The following VPS13B variants were observed in gnomAD, a reference collection of about 807,000 sequenced individuals.
VPS13B encodes the protein vacuolar protein sorting 13 homolog B.
Under a neutral mutation model 426.4 loss-of-function variants are expected in VPS13B, and 285 were observed. The ratio of observed to expected loss-of-function variants is 0.67; its 90% confidence interval spans 0.61 to 0.74. The LOEUF (loss-of-function observed/expected upper bound fraction) is 0.74. VPS13B is among the 30% of genes least tolerant of loss of function. The pLI is 0.00. For synonymous variants in VPS13B, 1,676 were observed against 1,676.4 expected (o/e 1.00, Z 0.01); for missense variants, 4,537 against 4,782.6 (o/e 0.95, Z 1.51).
chr8:99,389,155 A>G (rs982749859), intron 20 of VPS13B, among the ~76,000 whole-genome samples: 1 of 149,796 alleles, frequency 6.7e-6, no homozygotes, highest in African/African-American at 2.5e-5. Flanking sequence ...TCTCAAAAAG[A>G]AAAAAAAAAG....
chr8:99,682,122 G>A (rs1157627008), intron 35 of VPS13B, among the ~76,000 whole-genome samples: 4 of 152,128 alleles, frequency 2.6e-5, no homozygotes, highest in Non-Finnish European at 5.9e-5. Context: ...AGACTTTTGG[G>A]ACAAACTATG....
Position 99,086,358 on chromosome 8 carries a change from G to A in VPS13B, c.292-9954G>A, listed in dbSNP as rs183311502. Among the ~76,000 whole-genome samples the A allele has an allele frequency of 3.3e-5, 5 of 152,122 alleles. No individual in the cohort carries two copies. In the East Asian group the frequency reaches 5.8e-4, roughly 18 times the overall value. ...CATTGATTATTCTAGTTAGTCATTC[G>A]TCTAATTTTTTTTCAAGGTTTGTAA... On this transcript the variant is annotated intron_variant, in intron 3 of 61. Coordinates refer to ENST00000357162, the MANE Select transcript of VPS13B (RefSeq NM_152564.5).
intron 21 of VPS13B, among the ~76,000 whole-genome samples, chr8:99,419,517 C>T (rs1033828298): frequency 6.6e-6 from 1 of 152,060 alleles, no homozygotes; most frequent in Non-Finnish European, 1.5e-5. Flanking sequence ...GTTTGCAAGG[C>T]TTATTTTCTA....
At chr8:99,603,167 TA>T (rs1330830043) in intron 33 of VPS13B, among the ~76,000 whole-genome samples, 4 of 152,132 alleles carry the variant, frequency 2.6e-5, no homozygotes, top group African/African-American at 7.2e-5. Flanking sequence ...TGTATGTCCC[TA>T]AAAAAGGCAG....
intron 17 of VPS13B, among the ~76,000 whole-genome samples, chr8:99,259,849 A>G (rs181831782): frequency 2.6e-5 from 4 of 152,252 alleles, no homozygotes; most frequent in Admixed American, 2.6e-4. Context: ...CTCATAATCT[A>G]AAATTACAAA....
intron 40 of VPS13B, among the ~76,000 whole-genome samples, chr8:99,767,493 CAAAAAAAAAAA>C (rs869220303): frequency 9.0e-5 from 3 of 33,318 alleles, no homozygotes; most frequent in East Asian, 2.1e-3. Context: ...GCAACTCTCT[CAAAAAAAAAAA>C]AAAAAAAAAA....
intron 35 of VPS13B, among the ~76,000 whole-genome samples, chr8:99,695,370 A>C (rs1384349001): frequency 6.7e-6 from 1 of 150,308 alleles, no homozygotes; most frequent in Non-Finnish European, 1.5e-5. Context: ...ATGCAGCCAT[A>C]AAAAATGATG....
At position 99,821,439 on chromosome 8, in the gene VPS13B, T is replaced by A; in HGVS notation, c.9140T>A (p.Val3047Asp). The change falls in exon 50 of 62, where the codon GTT becomes GAT. Residue 3047 changes from valine to aspartate, a missense_variant. Coordinates refer to ENST00000357162, the MANE Select transcript of VPS13B (RefSeq NM_152564.5). Reference protein sequence around the residue: ...EVVTLDEEAFVDTEIRLGAFP... With the variant: ...EVVTLDEEAFDDTEIRLGAFP... The stretch of plus-strand genomic sequence containing the variant: ...GTGACACTGGATGAAGAAGCGTTTG[T>A]TGATACTGAAATAAGACTTGGTGCT... 1 of 1,613,844 alleles carries A rather than the reference T, an allele frequency of 6.2e-7. No homozygotes were observed. Among genetic ancestry groups the A allele is most frequent in the South Asian group, 1.1e-5 (1 of 91,062 alleles).
At chr8:99,792,213 C>G (rs1471298282) in intron 43 of VPS13B, among the ~76,000 whole-genome samples, 1 of 152,094 alleles carries the variant, frequency 6.6e-6, no homozygotes, top group Non-Finnish European at 1.5e-5. Context: ...AATCCAGATT[C>G]TCCACAACAA....
At chr8:99,102,275 C>T (rs1053359621) in intron 4 of VPS13B, among the ~76,000 whole-genome samples, 5 of 152,128 alleles carry the variant, frequency 3.3e-5, no homozygotes, top group Non-Finnish European at 7.4e-5. Flanking sequence ...CTCCTTCCTT[C>T]CATACTTTTG....
chr8:99,521,571 C>CAT (rs1822380416), intron 30 of VPS13B, among the ~76,000 whole-genome samples: 1 of 152,176 alleles, frequency 6.6e-6, no homozygotes, highest in African/African-American at 2.4e-5. Context: ...AACTGGTGAA[C>CAT]ATATGTAATC....
At chr8:99,764,062 A>G (rs546203077) in intron 39 of VPS13B, among the ~76,000 whole-genome samples, 2 of 152,284 alleles carry the variant, frequency 1.3e-5, no homozygotes, top group South Asian at 4.1e-4. Context: ...CTTTTTTGAG[A>G]TCCCATTTTG....
intron 30 of VPS13B, among the ~76,000 whole-genome samples, chr8:99,533,884 C>T (rs182731448): frequency 6.6e-6 from 1 of 152,146 alleles, no homozygotes; most frequent in Admixed American, 6.6e-5. Context: ...TTAAATTCTA[C>T]AAATCCCCAC....
intron 2 of VPS13B, among the ~76,000 whole-genome samples, chr8:99,014,233 G>GT (rs1457877670): frequency 6.9e-6 from 1 of 145,686 alleles, no homozygotes; most frequent in Non-Finnish European, 1.5e-5. Context: ...TTCTCCTGCC[G>GT]TAGCCTCCCT....
At chr8:99,050,483 C>T (rs558302424) in intron 3 of VPS13B, among the ~76,000 whole-genome samples, 1 of 152,066 alleles carries the variant, frequency 6.6e-6, no homozygotes, top group African/African-American at 2.4e-5. Context: ...TGAATAGTGC[C>T]TCAATAAACA....
At chr8:99,487,299 G>T (rs1820363671) in intron 25 of VPS13B, among the ~76,000 whole-genome samples, 2 of 152,058 alleles carry the variant, frequency 1.3e-5, no homozygotes, top group African/African-American at 4.8e-5. Context: ...AGTACAAATG[G>T]TAAATGTTCA....
At chr8:99,461,459 T>G (rs946449023) in intron 23 of VPS13B, among the ~76,000 whole-genome samples, 7 of 152,218 alleles carry the variant, frequency 4.6e-5, no homozygotes, top group African/African-American at 1.7e-4. Flanking sequence ...TTAGGAAAAT[T>G]ACTTGTGACT....
At chr8:99,186,941 A>G (rs1343016798) in intron 16 of VPS13B, among the ~76,000 whole-genome samples, 1 of 152,186 alleles carries the variant, frequency 6.6e-6, no homozygotes, top group African/African-American at 2.4e-5. Flanking sequence ...TAGGTGATAT[A>G]AGCTGGCTTG....
chr8:99,499,731 G>T (rs780128370), intron 25 of VPS13B, among the ~76,000 whole-genome samples: 2 of 152,120 alleles, frequency 1.3e-5, no homozygotes, highest in Non-Finnish European at 2.9e-5. Flanking sequence ...TGCACAAACA[G>T]TGAGATATTT....
Sources: gnomAD v4.1 joint callset for allele counts (sites outside exome capture counted in the v4.1 genomes callset) on GRCh38, gnomAD v4.1.1 for gene constraint, MANE v1.5 for transcripts, NCBI Gene and HGNC (gene_info 2026-07-23, HGNC 2026-07-21) for gene names.